NR6A1: variants seen among roughly 807,000 people sequenced by gnomAD.
NR6A1 encodes the protein retinoic acid receptor-related testis-associated receptor.
NR6A1 carries 7 observed loss-of-function variants against 59.1 expected under a neutral mutation model. That is an observed-to-expected ratio of 0.12 (90% CI 0.07 to 0.22). The LOEUF is 0.22. NR6A1 is among the 10% of genes least tolerant of loss of function. The probability of loss-of-function intolerance (pLI) is 1.00; values close to 1 mark genes in which losing one functional copy is unlikely to be tolerated. For synonymous variants in NR6A1, 243 were observed against 236.1 expected (o/e 1.03, Z -0.27); for missense variants, 468 against 611.6 (o/e 0.77, Z 2.48).
intron 2 of NR6A1, among the ~76,000 whole-genome samples, chr9:124,669,620 A>G (rs748546228): frequency 3.3e-5 from 5 of 152,358 alleles, no homozygotes; most frequent in African/African-American, 4.8e-5. Context: ...TCTTGGGAGG[A>G]GGAAAAGAGG....
At chr9:124,579,153 T>G (rs1272903773) in intron 2 of NR6A1, among the ~76,000 whole-genome samples, 1 of 152,234 alleles carries the variant, frequency 6.6e-6, no homozygotes, top group Non-Finnish European at 1.5e-5. Flanking sequence ...CATGGTGGCA[T>G]GCACCTGTGG....
At chr9:124,674,466 T>C (rs1170498598) in intron 2 of NR6A1, among the ~76,000 whole-genome samples, 1 of 152,214 alleles carries the variant, frequency 6.6e-6, no homozygotes, top group Non-Finnish European at 1.5e-5. Flanking sequence ...TATTTTCATC[T>C]GTAAAATGGG....
intron 2 of NR6A1, among the ~76,000 whole-genome samples, chr9:124,583,341 G>C (rs1221568213): frequency 6.6e-6 from 1 of 152,074 alleles, no homozygotes; most frequent in Admixed American, 6.6e-5. Flanking sequence ...ACTTAACCGA[G>C]GCCTCTCCCT....
chr9:124,536,276 G>T, intron 6 of NR6A1, 144 bp from the exon 7 acceptor site: 1 of 944,148 alleles, frequency 1.1e-6, no homozygotes, highest in Non-Finnish European at 1.6e-6. Flanking sequence ...GTTCCATTCA[G>T]TGTGATTTTC....
intron 2 of NR6A1, among the ~76,000 whole-genome samples, chr9:124,628,318 G>A (rs564309433): frequency 2.7e-4 from 41 of 152,000 alleles, no homozygotes; most frequent in African/African-American, 8.2e-4. Flanking sequence ...GTGAGCCACC[G>A]CACCTGGCCT....
In NR6A1 at chr9:124,766,652, T is replaced by G. The variant is rs1840942530; in HGVS notation, c.100+4368A>C. ...CAAGTGTCACTTTCAACTTAATTAT[T>G]ATGCATGGAAAAATACTGAACAGAA... On this transcript the variant is annotated intron_variant, in intron 1 of 9. Transcript: ENST00000487099. Among the ~76,000 whole-genome samples the G allele has an allele frequency of 2.0e-5, 3 of 152,200 alleles. No homozygotes were observed. In the South Asian group the frequency reaches 6.2e-4, roughly 32 times the overall value.
At chr9:124,607,515 T>C (rs1835608407) in intron 2 of NR6A1, 1 of 152,198 alleles carries the variant, frequency 6.6e-6, no homozygotes, top group Non-Finnish European at 1.5e-5. Context: ...ATTCTAGGGT[T>C]AAATCGAGAT....
chr9:124,732,943 C>A (rs183562891), intron 2 of NR6A1, among the ~76,000 whole-genome samples: 2 of 152,074 alleles, frequency 1.3e-5, no homozygotes, highest in East Asian at 3.9e-4. Context: ...GTGATCCACC[C>A]GCCTCAGCCT....
chr9:124,597,489 C>T (rs1283981083), intron 2 of NR6A1, among the ~76,000 whole-genome samples: 1 of 152,164 alleles, frequency 6.6e-6, no homozygotes, highest in African/African-American at 2.4e-5. Flanking sequence ...AACTAAATAT[C>T]TGCACACAAC....
chr9:124,622,806 T>C (rs1588716556), intron 2 of NR6A1, among the ~76,000 whole-genome samples: 1 of 150,370 alleles, frequency 6.7e-6, no homozygotes, highest in East Asian at 2.0e-4. Context: ...TCAATGGGGG[T>C]GGAGGAATGA....
chr9:124,665,976 A>G (rs1837601211), intron 2 of NR6A1, among the ~76,000 whole-genome samples: 1 of 152,234 alleles, frequency 6.6e-6, no homozygotes. Flanking sequence ...ACAATGAAGC[A>G]ATATTATCTC....
chr9:124,578,579 C>T (rs1834673079), intron 2 of NR6A1, among the ~76,000 whole-genome samples: 1 of 152,228 alleles, frequency 6.6e-6, no homozygotes, highest in Non-Finnish European at 1.5e-5. Context: ...TCAATCTCCA[C>T]TACTAAAAGC....
At chr9:124,529,466 G>A (rs574319659) in intron 7 of NR6A1, among the ~76,000 whole-genome samples, 1 of 152,280 alleles carries the variant, frequency 6.6e-6, no homozygotes, top group East Asian at 1.9e-4. Context: ...TCACTTCCAT[G>A]TTAGGGATGA....
At chr9:124,553,571 T>C (rs1482447435) in intron 3 of NR6A1, among the ~76,000 whole-genome samples, 4 of 146,808 alleles carry the variant, frequency 2.7e-5, no homozygotes, top group South Asian at 2.2e-4. Flanking sequence ...TTTTTTTTTT[T>C]TTTCGTTTTT....
rs757626214 is a variant in NR6A1 at position 124,538,109 on chromosome 9, G to C, written c.807C>G (p.Pro269=). The C allele has an allele frequency of 6.2e-7, 1 of 1,610,662 alleles. No homozygotes were observed. The highest frequency in any genetic ancestry group is 1.7e-5 in the Admixed American group (1 of 59,908). ...TCACTCACCCATCTTCAATCAACATGGGCGTGCCCAATGGTTCCAGGTCCT... is the reference window on the plus strand; with the variant it reads ...TCACTCACCCATCTTCAATCAACATCGGCGTGCCCAATGGTTCCAGGTCCT... ...SAEDLEPLGT[P]MLIEDGYAVT... is the part of the protein sequence containing the mutation. The change falls in exon 6 of 10, where the codon CCC becomes CCG. Residue 269 remains proline, a synonymous_variant. Transcript: ENST00000487099.
chr9:124,589,975 G>C (rs966401317), intron 2 of NR6A1, among the ~76,000 whole-genome samples: 1 of 136,034 alleles, frequency 7.4e-6, no homozygotes, highest in African/African-American at 2.7e-5. Flanking sequence ...TGAGGCAGGA[G>C]AATCGCTTGA....
At chr9:124,559,113 A>G (rs528825439) in intron 2 of NR6A1, among the ~76,000 whole-genome samples, 1 of 152,192 alleles carries the variant, frequency 6.6e-6, no homozygotes, top group Non-Finnish European at 1.5e-5. Flanking sequence ...AAGTTTTTAC[A>G]TACACTATTT....
At position 124,650,298 on chromosome 9, in the gene NR6A1, A is replaced by G. The variant is rs1443957414; in HGVS notation, c.142+83010T>C. ...ATAAAATCCCATCATTTGCAGCAACATGGATGGAACTGTTAAGTGAATAAG... is the reference window on the plus strand; with the variant it reads ...ATAAAATCCCATCATTTGCAGCAACGTGGATGGAACTGTTAAGTGAATAAG... On this transcript the variant is annotated intron_variant, in intron 2 of 9. Transcript: ENST00000487099. 6.6e-5 allele frequency among the ~76,000 whole-genome samples: 10 copies of G among 152,198 alleles called. 1 individual carries two copies. Among genetic ancestry groups the G allele is most frequent in the Non-Finnish European group, 1.0e-4 (7 of 68,026 alleles).
intron 2 of NR6A1, among the ~76,000 whole-genome samples, chr9:124,604,976 G>T (rs1835539952): frequency 6.6e-6 from 1 of 151,992 alleles, no homozygotes; most frequent in Non-Finnish European, 1.5e-5. Flanking sequence ...ACTGGAATTA[G>T]AATAACACCG....
Sources: gnomAD v4.1 joint callset for allele counts (sites outside exome capture counted in the v4.1 genomes callset) on GRCh38, gnomAD v4.1.1 for gene constraint, MANE v1.5 for transcripts, NCBI Gene and HGNC (gene_info 2026-07-23, HGNC 2026-07-21) for gene names.